DRC1: variants seen among roughly 807,000 people sequenced by gnomAD.
The protein encoded by DRC1 is dynein regulatory complex subunit 1.
In DRC1, 74 loss-of-function variants were observed where a neutral mutation model predicts 98.7. The ratio of observed to expected loss-of-function variants is 0.75; its 90% CI spans 0.62 to 0.91. DRC1 has a LOEUF of 0.91. DRC1 is among the 40% of genes least tolerant of loss of function. The pLI is 0.00. For missense variants in DRC1, 875 were observed against 886.0 expected (o/e 0.99, Z 0.16); for synonymous variants, 336 against 334.1 (o/e 1.01, Z -0.06).
chr2:26,402,092 C>G lies in DRC1; in HGVS notation c.103C>G (p.Arg35Gly). 6.2e-7 allele frequency: 1 copy of G among 1,612,684 alleles called. No homozygotes were observed. The highest frequency in any genetic ancestry group is 8.5e-7 in the Non-Finnish European group (1 of 1,179,608). ...PSVHSDNSQE[R>G]IQARRLRIAA... ...GGTCCACTCCGACAACTCTCAGGAGCGCATCCAGGCCCGGCGCCTCCGCAT... is the reference window on the plus strand; with the variant it reads ...GGTCCACTCCGACAACTCTCAGGAGGGCATCCAGGCCCGGCGCCTCCGCAT... Residue 35 changes from arginine (R) to glycine (G), a missense_variant, in exon 1 of 17, where the codon CGC becomes GGC. Arg to Gly is a moderately radical substitution (Grantham distance 125, BLOSUM62 -2). Coordinates refer to ENST00000288710, the MANE Select transcript of DRC1 (RefSeq NM_145038.5).
intron 9 of DRC1, 64 bp from the exon 10 acceptor site, chr2:26,444,652 A>C: frequency 6.9e-7 from 1 of 1,458,144 alleles, no homozygotes; most frequent in Non-Finnish European, 9.5e-7. Context: ...CCCTGCTGCT[A>C]TTTGAGGGGA....
chr2:26,420,390 T>C (rs1030742070), intron 2 of DRC1, among the ~76,000 whole-genome samples: 4 of 89,262 alleles, frequency 4.5e-5, no homozygotes, highest in Non-Finnish European at 1.2e-4. Context: ...ACTGTCATTA[T>C]CTGCCTCACT....
chr2:26,427,213 C>T (rs549967152), intron 4 of DRC1, among the ~76,000 whole-genome samples: 1 of 152,002 alleles, frequency 6.6e-6, no homozygotes, highest in Non-Finnish European at 1.5e-5. Flanking sequence ...ACCTCCTGGG[C>T]TCAAGTGATC....
chr2:26,433,349 C>T (rs905314037), intron 7 of DRC1, among the ~76,000 whole-genome samples: 8 of 152,138 alleles, frequency 5.3e-5, no homozygotes, highest in African/African-American at 1.9e-4. Context: ...TTTCCTGTTA[C>T]TTGATATCAT....
intron 16 of DRC1, among the ~76,000 whole-genome samples, chr2:26,455,800 T>C (rs1254757436): frequency 6.6e-6 from 1 of 152,218 alleles, no homozygotes; most frequent in Non-Finnish European, 1.5e-5. Flanking sequence ...AACCCTGCAA[T>C]AGTTGTGGAC....
At chr2:26,412,574 G>A (rs17529722) in intron 1 of DRC1, among the ~76,000 whole-genome samples, 71,058 of 151,710 alleles carry the variant, frequency 0.47, 18,398 homozygotes, top group Non-Finnish European at 0.6. Flanking sequence ...ACTTTATCTC[G>A]CCACCGCCCC....
At chr2:26,441,268 C>G (rs1000822370) in intron 8 of DRC1, among the ~76,000 whole-genome samples, 3 of 152,106 alleles carry the variant, frequency 2.0e-5, no homozygotes, top group African/African-American at 7.2e-5. Context: ...CCTCCAAACC[C>G]CAAATAGCCT....
At chr2:26,442,366 C>T (rs747089569) in intron 8 of DRC1, among the ~76,000 whole-genome samples, 6 of 152,198 alleles carry the variant, frequency 3.9e-5, no homozygotes, top group Admixed American at 1.3e-4. Context: ...TCTAGCCAAG[C>T]GCAGTGGCTT....
intron 4 of DRC1, among the ~76,000 whole-genome samples, chr2:26,426,150 T>A (rs1247366469): frequency 6.6e-6 from 1 of 152,210 alleles, no homozygotes; most frequent in Non-Finnish European, 1.5e-5. Flanking sequence ...TTGAAGAGAC[T>A]ATCCTTTCTC....
chr2:26,439,735 CT>C (rs1663661898), intron 7 of DRC1, among the ~76,000 whole-genome samples: 1 of 151,372 alleles, frequency 6.6e-6, no homozygotes, highest in African/African-American at 2.4e-5. Flanking sequence ...TGTGATCTCT[CT>C]TAGGCTTTAG....
At chr2:26,417,277 G>C (rs987392619) in intron 2 of DRC1, among the ~76,000 whole-genome samples, 1 of 151,598 alleles carries the variant, frequency 6.6e-6, no homozygotes, top group African/African-American at 2.4e-5. Flanking sequence ...GTCTGGTAAG[G>C]TAAGTTCTCT....
chr2:26,409,932 A>C (rs183846503), intron 1 of DRC1, among the ~76,000 whole-genome samples: 48 of 152,264 alleles, frequency 3.2e-4, no homozygotes, highest in Admixed American at 6.5e-4. Flanking sequence ...CTAAGAGGAC[A>C]TTAAGACTAT....
chr2:26,439,805 T>C (rs1188634699), intron 7 of DRC1, among the ~76,000 whole-genome samples: 2 of 151,168 alleles, frequency 1.3e-5, no homozygotes, highest in Non-Finnish European at 2.9e-5. Context: ...GGCCTTTAAC[T>C]TGACTCTCAT....
Position 26,402,247 on chromosome 2 carries a change from G to A in DRC1, c.155+103G>A, listed in dbSNP as rs1678270117. On this transcript the variant is annotated intron_variant, in intron 1 of 16. Transcript: ENST00000288710. ...ATTTCTTCGGGAAGGTTCAGGCAGA[G>A]TATGGGAAAGTAAAACGCTGGGCCG... is the stretch of plus-strand genomic sequence containing the variant. 4 of 1,432,230 alleles carry A rather than the reference G, an allele frequency of 2.8e-6. No individual in the cohort carries two copies. The East Asian group carries it at 7.6e-5, about 27-fold the overall frequency. 88.7% of individuals were successfully genotyped at this position (1,432,230 alleles called of 1,614,324 possible).
chr2:26,419,100 G>A (rs1373308081), intron 2 of DRC1, among the ~76,000 whole-genome samples: 1 of 151,652 alleles, frequency 6.6e-6, no homozygotes, highest in Non-Finnish European at 1.5e-5. Context: ...TGTTGTTCAG[G>A]CTGGTCTTGA....
At chr2:26,416,724 A>G (rs1312645035) in intron 2 of DRC1, among the ~76,000 whole-genome samples, 4 of 152,168 alleles carry the variant, frequency 2.6e-5, no homozygotes, top group African/African-American at 7.2e-5. Context: ...TCAGGTGACC[A>G]TGTATGTGTG....
chr2:26,407,253 C>T (rs947808347), intron 1 of DRC1, among the ~76,000 whole-genome samples: 2 of 152,040 alleles, frequency 1.3e-5, no homozygotes, highest in African/African-American at 4.8e-5. Context: ...AAGTCAAGAT[C>T]AGGAGGACTC....
At chr2:26,410,732 T>C (rs1447321309) in intron 1 of DRC1, among the ~76,000 whole-genome samples, 1 of 151,792 alleles carries the variant, frequency 6.6e-6, no homozygotes, top group South Asian at 2.1e-4. Context: ...TGGATGAAAA[T>C]AGACCCACCC....
At chr2:26,443,547 A>G (rs563674811) in intron 8 of DRC1, among the ~76,000 whole-genome samples, 13 of 152,254 alleles carry the variant, frequency 8.5e-5, no homozygotes, top group Admixed American at 3.3e-4. Context: ...CTCCTATAGC[A>G]CTTTCCACGC....
Sources: allele counts gnomAD v4.1 joint callset (sites outside exome capture counted in the v4.1 genomes callset), GRCh38; gene constraint gnomAD v4.1.1; transcripts MANE v1.5; gene names NCBI Gene and HGNC (gene_info 2026-07-23, HGNC 2026-07-21).